LYPLA1: variants seen among roughly 807,000 people sequenced by gnomAD.
The protein encoded by LYPLA1 is acyl-protein thioesterase 1.
In LYPLA1, 17 loss-of-function variants were observed where a neutral mutation model predicts 34.0. The observed-to-expected ratio is 0.50, with a 90% CI of 0.34 to 0.75. The LOEUF is 0.75. LYPLA1 is among the 30% of genes least tolerant of loss of function. LYPLA1 has a pLI of 0.01. For missense variants in LYPLA1, 203 were observed against 288.8 expected (o/e 0.70, Z 2.15); for synonymous variants, 98 against 100.8 (o/e 0.97, Z 0.17).
chr8:54,057,276 T>C (rs1806272099), intron 5 of LYPLA1, among the ~76,000 whole-genome samples: 1 of 152,132 alleles, frequency 6.6e-6, no homozygotes, highest in East Asian at 1.9e-4. Context: ...AAAGTATCTT[T>C]CTTTTAACTA....
intron 2 of LYPLA1, among the ~76,000 whole-genome samples, chr8:54,086,086 A>C (rs1201030641): frequency 1.3e-5 from 2 of 152,180 alleles, no homozygotes; most frequent in Admixed American, 6.5e-5. Flanking sequence ...GTATTAAGAA[A>C]AATTCTTCCA....
intron 1 of LYPLA1, 92 bp downstream of exon 1, chr8:54,101,663 C>T: frequency 8.5e-7 from 1 of 1,174,348 alleles, no homozygotes; most frequent in Non-Finnish European, 1.1e-6. Flanking sequence ...GTCCGCAGGC[C>T]GCCACGCGCC....
chr8:54,047,264 TATAAAGC>T lies in LYPLA1; in HGVS notation c.*794_*800del, dbSNP rs1174860407. On this transcript the variant is annotated 3_prime_UTR_variant, in exon 9 of 9. Coordinates refer to ENST00000316963, the MANE Select transcript of LYPLA1 (RefSeq NM_006330.4). The stretch of plus-strand genomic sequence containing the variant: ...ATGAAGTTTTAATGTCTGGTTTCTC[TATAAAGC>T]ATAAATAGATTTTAAATACCTTATA... The T allele has an allele frequency of 1.3e-5, 2 of 152,198 alleles. No homozygotes were observed. Among genetic ancestry groups the T allele is most frequent in the Non-Finnish European group, 2.9e-5 (2 of 67,984 alleles). The allele number at this position is 152,198 out of a possible 1,614,324, so 9.4% of individuals were successfully genotyped here.
chr8:54,092,162 G>A (rs1442293426), intron 2 of LYPLA1, among the ~76,000 whole-genome samples: 2 of 151,224 alleles, frequency 1.3e-5, no homozygotes, highest in African/African-American at 2.4e-5. Context: ...GGCGGCGGCG[G>A]AGGAGAACCC....
rs774225323 is a variant in LYPLA1, at chr8:54,062,241, T to C, written c.286+13A>G. 2.6e-6 allele frequency: 4 copies of C among 1,565,932 alleles called. No homozygotes were observed. The African/African-American group carries it at 4.1e-5, about 16-fold the overall frequency. On this transcript the variant is annotated intron_variant, in intron 5 of 8. Coordinates refer to ENST00000316963, the MANE Select transcript of LYPLA1 (RefSeq NM_006330.4). ...AGAACACTTTTGGCTTTATAAACATTTTCTGTACTTACTATTTTCTGCTGC... is the reference window on the plus strand; with the variant it reads ...AGAACACTTTTGGCTTTATAAACATCTTCTGTACTTACTATTTTCTGCTGC...
chr8:54,068,285 G>A (rs1424132667), intron 2 of LYPLA1, among the ~76,000 whole-genome samples: 3 of 152,036 alleles, frequency 2.0e-5, no homozygotes, highest in African/African-American at 7.2e-5. Flanking sequence ...TTTAAAGACG[G>A]CAGTACTCTC....
chr8:54,100,836 C>G, intron 2 of LYPLA1, 72 bp downstream of exon 2: 1 of 1,235,696 alleles, frequency 8.1e-7, no homozygotes, highest in Non-Finnish European at 1.2e-6. Context: ...AAACATTAAA[C>G]CTTTGAACGC....
intron 3 of LYPLA1, among the ~76,000 whole-genome samples, chr8:54,064,873 A>C (rs190435640): frequency 6.6e-6 from 1 of 152,332 alleles, no homozygotes. Context: ...AATCGCAAAA[A>C]AAAAAATCTC....
chr8:54,051,384 A>G (rs1805834286), intron 7 of LYPLA1, among the ~76,000 whole-genome samples, 196 bp from the exon 8 acceptor site: 1 of 152,154 alleles, frequency 6.6e-6, no homozygotes, highest in Non-Finnish European at 1.5e-5. Context: ...ACCTTGCCTC[A>G]TATTATAATA....
chr8:54,081,167 T>C lies in LYPLA1; in HGVS notation c.102-15354A>G, dbSNP rs149080805. 2.2e-3 allele frequency among the ~76,000 whole-genome samples: 332 copies of C among 152,332 alleles called. 5 individuals are homozygous for C. The highest frequency in any genetic ancestry group is 7.4e-3 in the African/African-American group (306 of 41,574). ...CTGTTGAAGAGTTGCCTCTCAATTA[T>C]TCACCCCAAATATACAGACAATGCA... is the stretch of plus-strand genomic sequence containing the variant. On this transcript the variant is annotated intron_variant, in intron 2 of 8. Transcript: ENST00000316963.
rs535554571 is a variant in LYPLA1, at chr8:54,076,855, G to A, written c.102-11042C>T. Among the ~76,000 whole-genome samples, 12 of 152,088 alleles carry A rather than the reference G, an allele frequency of 7.9e-5. No homozygotes were observed. In the South Asian group the frequency reaches 2.3e-3, roughly 29 times the overall value. On this transcript the variant is annotated intron_variant, in intron 2 of 8. Transcript: ENST00000316963. ...AAACAATGCTAATGACTGGCTTGCT[G>A]TTAATAAACATGTGGGCAAATCTCT...
At chr8:54,080,019 A>G (rs1201556210) in intron 2 of LYPLA1, among the ~76,000 whole-genome samples, 1 of 152,200 alleles carries the variant, frequency 6.6e-6, no homozygotes, top group Non-Finnish European at 1.5e-5. Context: ...AATAAGTTTT[A>G]AACATTACAG....
intron 2 of LYPLA1, among the ~76,000 whole-genome samples, chr8:54,084,133 A>AAAATATAT (rs1373090573): frequency 1.7e-5 from 2 of 120,444 alleles, no homozygotes; most frequent in African/African-American, 9.2e-5. Flanking sequence ...AGAAAAAAAA[A>AAAATATAT]ATAAATAAAT....
At position 54,051,207 on chromosome 8, in the gene LYPLA1, G is replaced by T. The variant is rs1805820810; in HGVS notation, c.463-19C>A. On this transcript the variant is annotated intron_variant, in intron 7 of 8. Coordinates refer to ENST00000316963, the MANE Select transcript of LYPLA1 (RefSeq NM_006330.4). ...TAGGACCCTGCAAAAAGCAAAAGAAGAAATAGTTTTATTTTTGTAAAAGTA... is the reference window on the plus strand; with the variant it reads ...TAGGACCCTGCAAAAAGCAAAAGAATAAATAGTTTTATTTTTGTAAAAGTA... 1 of 1,572,962 alleles carries T rather than the reference G, an allele frequency of 6.4e-7. No individual in the cohort carries two copies. The highest frequency in any genetic ancestry group is 1.2e-5 in the South Asian group (1 of 86,746).
chr8:54,072,157 A>G (rs954544768), intron 2 of LYPLA1, among the ~76,000 whole-genome samples: 1 of 152,214 alleles, frequency 6.6e-6, no homozygotes, highest in Non-Finnish European at 1.5e-5. Context: ...CAGTCAATAA[A>G]AAGTGCCAGG....
rs190148804 is a variant in LYPLA1, at chr8:54,091,161, T to C, written c.101+9747A>G. 5.8e-4 allele frequency among the ~76,000 whole-genome samples: 89 copies of C among 152,248 alleles called. No individual in the cohort carries two copies. The East Asian group carries it at 0.012, about 21-fold the overall frequency. ...ATAGGATTACAGGTGTGAGCCACCA[T>C]GCCTGGCTCCAACCTCCATTCTACA... On this transcript the variant is annotated intron_variant, in intron 2 of 8. Coordinates refer to ENST00000316963, the MANE Select transcript of LYPLA1 (RefSeq NM_006330.4).
At chr8:54,085,955 C>T (rs1056564328) in intron 2 of LYPLA1, among the ~76,000 whole-genome samples, 4 of 152,210 alleles carry the variant, frequency 2.6e-5, no homozygotes, top group South Asian at 4.1e-4. Context: ...TCATTGAGAA[C>T]GGGCCATGAT....
At chr8:54,043,593 AG>A (rs1805422199), downstream of LYPLA1, among the ~76,000 whole-genome samples, 2 of 150,520 alleles carry the variant, frequency 1.3e-5, no homozygotes, top group African/African-American at 4.9e-5. Flanking sequence ...TTTTAGGCAA[AG>A]TTTACTTTTG....
At chr8:54,077,880 C>G (rs184312413) in intron 2 of LYPLA1, among the ~76,000 whole-genome samples, 74 of 152,222 alleles carry the variant, frequency 4.9e-4, no homozygotes, top group African/African-American at 1.6e-3. Flanking sequence ...TCCTGGGGAG[C>G]TGGAAATGTT....
Sources: allele counts gnomAD v4.1 joint callset (sites outside exome capture counted in the v4.1 genomes callset), GRCh38; gene constraint gnomAD v4.1.1; transcripts MANE v1.5; gene names NCBI Gene and HGNC (gene_info 2026-07-23, HGNC 2026-07-21).